The following GLB1 variants were observed in gnomAD, a reference collection of about 807,000 sequenced individuals.
GLB1 encodes beta-galactosidase.
A neutral mutation model predicts 74.0 loss-of-function variants in GLB1; 56 were observed. The ratio of observed to expected loss-of-function variants is 0.76; its 90% confidence interval spans 0.61 to 0.94. The LOEUF (loss-of-function observed/expected upper bound fraction) is 0.94. GLB1 is among the 40% of genes least tolerant of loss of function. The pLI is 0.00. For synonymous variants in GLB1, 323 were observed against 323.6 expected (o/e 1.00, Z 0.02); for missense variants, 787 against 845.5 (o/e 0.93, Z 0.86).
At chr3:32,993,176 G>A (rs992871266), downstream of GLB1, among the ~76,000 whole-genome samples, 1 of 151,984 alleles carries the variant, frequency 6.6e-6, no homozygotes, top group African/African-American at 2.4e-5. Flanking sequence ...TTCTTGTTGG[G>A]GAAACAATGA....
chr3:33,055,460 CTTTT>C (rs55687940), intron 6 of GLB1, among the ~76,000 whole-genome samples: 4 of 102,276 alleles, frequency 3.9e-5, no homozygotes, highest in Non-Finnish European at 4.1e-5. Context: ...GTTTTCTTTT[CTTTT>C]TTTTTTTTTT....
At chr3:33,085,007 T>G (rs887396492) in intron 1 of GLB1, among the ~76,000 whole-genome samples, 9 of 152,182 alleles carry the variant, frequency 5.9e-5, no homozygotes, top group African/African-American at 2.2e-4. Flanking sequence ...CTGGGTGCAG[T>G]GGCTCATGCC....
chr3:33,074,392 G>GAAAGAA (rs1575478180), intron 1 of GLB1, among the ~76,000 whole-genome samples: 3 of 119,218 alleles, frequency 2.5e-5, no homozygotes, highest in Non-Finnish European at 6.1e-5. Flanking sequence ...AAGGAAGGAA[G>GAAAGAA]AAAGAAAGAA....
At chr3:33,068,560 A>C (rs1699778367) in intron 3 of GLB1, among the ~76,000 whole-genome samples, 1 of 152,160 alleles carries the variant, frequency 6.6e-6, no homozygotes, top group South Asian at 2.1e-4. Flanking sequence ...CCTGTGACGT[A>C]GATAGAGAAG....
the GLB1 span, among the ~76,000 whole-genome samples, chr3:32,966,606 G>A: frequency 8.0e-3 from 1,224 of 152,234 alleles, 27 homozygotes; most frequent in African/African-American, 0.028. Flanking sequence ...TGTTGAAAAG[G>A]CATGATTGGC....
chr3:33,002,540 G>A (rs973990273), intron 15 of GLB1, among the ~76,000 whole-genome samples: 33 of 152,154 alleles, frequency 2.2e-4, no homozygotes, highest in African/African-American at 7.7e-4. Context: ...AGGTATGCAC[G>A]TGTTGTTGTT....
intron 10 of GLB1, among the ~76,000 whole-genome samples, chr3:33,032,400 C>T (rs1698089940): frequency 6.6e-6 from 1 of 152,098 alleles, no homozygotes; most frequent in South Asian, 2.1e-4. Flanking sequence ...GAACTTGCTT[C>T]CCCTGTCCCT....
At position 33,068,110 on chromosome 3, in the gene GLB1, C is replaced by T; in HGVS notation, c.457+120G>A. ...CCATTTTGGCCAGCCTGGTCTCGAACTCCCAACCTCAGGTAATCCACCCGC... is the reference window on the plus strand; with the variant it reads ...CCATTTTGGCCAGCCTGGTCTCGAATTCCCAACCTCAGGTAATCCACCCGC... On this transcript the variant is annotated intron_variant, in intron 4 of 15. Transcript: ENST00000307363. The T allele has an allele frequency of 2.1e-6, 3 of 1,447,254 alleles. No homozygotes were observed. The South Asian group carries it at 3.4e-5, about 17-fold the overall frequency. 89.7% of individuals were successfully genotyped at this position (1,447,254 alleles called of 1,614,324 possible). A position where few individuals can be genotyped will look rare whatever the true frequency, so the allele number is the denominator to read the frequency against.
At chr3:33,006,969 A>C (rs929180642) in intron 15 of GLB1, among the ~76,000 whole-genome samples, 7 of 152,204 alleles carry the variant, frequency 4.6e-5, no homozygotes, top group African/African-American at 1.7e-4. Flanking sequence ...ACCATGTGCT[A>C]ACGTGCTCAT....
intron 4 of GLB1, among the ~76,000 whole-genome samples, 156 bp from the exon 5 acceptor site, chr3:33,065,713 A>AT (rs1180970808): frequency 6.6e-6 from 1 of 152,230 alleles, no homozygotes; most frequent in Non-Finnish European, 1.5e-5. Context: ...CACGCCTGTA[A>AT]TCCCAGCACT....
chr3:33,057,689 T>C lies in GLB1; in HGVS notation c.733+400A>G, dbSNP rs1699273782. On this transcript the variant is annotated intron_variant, in intron 6 of 15. Transcript: ENST00000307363. ...TACAGCCAAGGCATAACCCCGAGTG[T>C]CCTGCCAAGGTGGGAGGACAGGGAG... is the stretch of plus-strand genomic sequence containing the variant. Among the ~76,000 whole-genome samples the C allele has an allele frequency of 3.3e-5, 5 of 152,174 alleles. No homozygotes were observed. The South Asian group carries it at 1.0e-3, about 32-fold the overall frequency.
intron 15 of GLB1, among the ~76,000 whole-genome samples, chr3:33,013,718 A>C (rs1697119180): frequency 6.6e-6 from 1 of 152,182 alleles, no homozygotes; most frequent in Admixed American, 6.5e-5. Context: ...AGACTCTCCC[A>C]GAGGGATCCA....
chr3:33,045,926 C>A, intron 10 of GLB1, 194 bp downstream of exon 10: 1 of 896,684 alleles, frequency 1.1e-6, no homozygotes, highest in Non-Finnish European at 1.7e-6. Context: ...TCCTACTCTC[C>A]TATAAGCATC....
intron 15 of GLB1, among the ~76,000 whole-genome samples, chr3:33,006,225 C>T (rs1278259268): frequency 2.6e-5 from 4 of 151,714 alleles, no homozygotes; most frequent in African/African-American, 9.7e-5. Flanking sequence ...CCGGGCCGCA[C>T]AGTGAGAGGT....
Position 33,097,011 on chromosome 3 carries a change from GCGCAAGC to G in GLB1, c.68_74del (p.Gly23AlafsTer46). ...CCGTACCCGGGTCCCGCAGACTTACGCGCAAGCCGCGCGTAGGGCCCAGAAGCAGCAG... is the reference window on the plus strand; with the variant it reads ...CCGTACCCGGGTCCCGCAGACTTACGCGCGCGTAGGGCCCAGAAGCAGCAG... On this transcript the variant is annotated frameshift_variant and splice_region_variant, in exon 1 of 16. Transcript: ENST00000307363. LOFTEE classifies it high-confidence loss of function. 1 of 1,611,734 alleles carries G rather than the reference GCGCAAGC, an allele frequency of 6.2e-7. No individual in the cohort carries two copies. The highest frequency in any genetic ancestry group is 1.1e-5 in the South Asian group (1 of 90,784).
the GLB1 span, among the ~76,000 whole-genome samples, chr3:32,979,139 G>A: frequency 6.6e-5 from 10 of 151,878 alleles, no homozygotes; most frequent in Non-Finnish European, 1.5e-4. Context: ...ACCATGCCCG[G>A]CTAATTTTGT....
chr3:32,986,026 A>C, the GLB1 span, among the ~76,000 whole-genome samples: 1 of 152,124 alleles, frequency 6.6e-6, no homozygotes, highest in Non-Finnish European at 1.5e-5. Flanking sequence ...CTCTATTTTT[A>C]ATGATGCTTT....
At chr3:33,008,662 T>C (rs551176036) in intron 15 of GLB1, among the ~76,000 whole-genome samples, 1 of 152,140 alleles carries the variant, frequency 6.6e-6, no homozygotes, top group Admixed American at 6.5e-5. Context: ...AATGAGGGGA[T>C]GGTAGCCACG....
At chr3:33,082,536 A>C (rs1413248304) in intron 1 of GLB1, among the ~76,000 whole-genome samples, 1 of 152,204 alleles carries the variant, frequency 6.6e-6, no homozygotes, top group East Asian at 1.9e-4. Context: ...AAAACAGATC[A>C]CAGTACATGA....
Sources: gnomAD v4.1 joint callset for allele counts (sites outside exome capture counted in the v4.1 genomes callset) on GRCh38, gnomAD v4.1.1 for gene constraint, MANE v1.5 for transcripts, NCBI Gene and HGNC (gene_info 2026-07-23, HGNC 2026-07-21) for gene names.